Variants in NLRC4 observed in about 807,000 individuals in gnomAD.
NLRC4 encodes NLR family CARD domain-containing protein 4.
A neutral mutation model predicts 79.9 loss-of-function variants in NLRC4; 63 were observed. The observed-to-expected ratio is 0.79, with a 90% CI of 0.64 to 0.97. NLRC4 has a LOEUF of 0.97. Among genes scored for constraint, NLRC4 ranks in the 50% least tolerant of loss-of-function variants. The pLI is 0.00. For missense variants in NLRC4, 1,074 were observed against 1,215.2 expected, an observed-to-expected ratio of 0.88 and a Z score of 1.73; for synonymous variants, 461 against 456.5, an observed-to-expected ratio of 1.01 and a Z score of -0.12.
At position 32,252,635 on chromosome 2, in the gene NLRC4, C is replaced by A; in HGVS notation, c.46G>T (p.Gly16Ter). 1 of 1,613,738 alleles carries A rather than the reference C, an allele frequency of 6.2e-7. No homozygotes were observed. The highest frequency in any genetic ancestry group is 8.5e-7 in the Non-Finnish European group (1 of 1,179,606). The change falls in exon 3 of 9, where the codon GGA (glycine) becomes TGA (stop). Residue 16 changes from glycine (G) to a stop codon, truncating the protein, a stop_gained. Transcript: ENST00000402280. LOFTEE classifies it high-confidence loss of function. ...DNSRALIQRM[G>*]MTVIKQITDD... ...GTGATTTGCTTTATAACAGTCATTCCCATTCTTTGAATAAGGGCTCGGCTA... is the reference window on the plus strand; with the variant it reads ...GTGATTTGCTTTATAACAGTCATTCACATTCTTTGAATAAGGGCTCGGCTA...
chr2:32,237,014 A>T (rs1013807949), intron 6 of NLRC4, among the ~76,000 whole-genome samples: 1 of 152,208 alleles, frequency 6.6e-6, no homozygotes, highest in African/African-American at 2.4e-5. Context: ...TATGCTGTGT[A>T]CAAAAGACGT....
At chr2:32,259,262 ATTTTTTTTTTTTT>A (rs57570626) in intron 1 of NLRC4, among the ~76,000 whole-genome samples, 25 of 52,890 alleles carry the variant, frequency 4.7e-4, no homozygotes, top group South Asian at 1.3e-3. Flanking sequence ...TGCCTGGCTA[ATTTTTTTTTTTTT>A]TTTTTTTTTT....
At chr2:32,229,112 C>T (rs970484720) in intron 8 of NLRC4, among the ~76,000 whole-genome samples, 1 of 151,948 alleles carries the variant, frequency 6.6e-6, no homozygotes, top group Non-Finnish European at 1.5e-5. Context: ...TGAAAGATAC[C>T]ATTTAACAAA....
At chr2:32,244,448 T>A (rs1026882329) in intron 4 of NLRC4, among the ~76,000 whole-genome samples, 2 of 151,978 alleles carry the variant, frequency 1.3e-5, no homozygotes, top group African/African-American at 2.4e-5. Flanking sequence ...AAGGTGAAAG[T>A]CTGAATGCTT....
At chr2:32,239,456 G>A (rs1023853821) in intron 5 of NLRC4, among the ~76,000 whole-genome samples, 2 of 152,204 alleles carry the variant, frequency 1.3e-5, no homozygotes, top group Non-Finnish European at 2.9e-5. Flanking sequence ...GTTAAAGGTT[G>A]TGAGCATGAG....
At chr2:32,238,839 A>G (rs982726748) in intron 5 of NLRC4, among the ~76,000 whole-genome samples, 1 of 152,196 alleles carries the variant, frequency 6.6e-6, no homozygotes, top group African/African-American at 2.4e-5. Context: ...GATTTACCTT[A>G]TATCAACAGT....
intron 4 of NLRC4, among the ~76,000 whole-genome samples, chr2:32,248,980 A>G (rs1364742550): frequency 1.3e-5 from 2 of 152,204 alleles, no homozygotes; most frequent in Non-Finnish European, 2.9e-5. Context: ...GATTTCAGTA[A>G]CTTTCTCCTG....
At chr2:32,233,975 ATATATATGTGTGTG>A (rs1277410597) in intron 8 of NLRC4, among the ~76,000 whole-genome samples, 2 of 152,198 alleles carry the variant, frequency 1.3e-5, no homozygotes, top group South Asian at 2.1e-4. Flanking sequence ...TGTTGGGGAC[ATATATATGTGTGTG>A]TATATATGGG....
chr2:32,253,904 C>T lies in NLRC4; in HGVS notation c.2-1225G>A, dbSNP rs544326989. ...GCTTGAACCTGGGAGGTGGAGGTTG[C>T]GGTGAGCCGAGATGGTGCCATTGCA... On this transcript the variant is annotated intron_variant, in intron 2 of 8. Transcript: ENST00000402280. Among the ~76,000 whole-genome samples the T allele has an allele frequency of 2.9e-5, 4 of 139,404 alleles. No homozygotes were observed. In the East Asian group the frequency reaches 6.4e-4, roughly 22 times the overall value. 91.5% of individuals were successfully genotyped at this position (139,404 alleles called of 152,430 possible).
intron 5 of NLRC4, 142 bp from the exon 6 acceptor site, chr2:32,238,444 AT>A: frequency 2.9e-6 from 2 of 680,334 alleles, no homozygotes; most frequent in Middle Eastern, 3.7e-4. Flanking sequence ...GTTACAAAGA[AT>A]CAACGAGAGC....
chr2:32,225,380 A>C (rs1686357203), intron 8 of NLRC4, among the ~76,000 whole-genome samples: 1 of 142,902 alleles, frequency 7.0e-6, no homozygotes, highest in Admixed American at 7.1e-5. Flanking sequence ...TACACAAAGA[A>C]TGCACACACA....
chr2:32,249,419 C>T (rs1029238838), intron 4 of NLRC4, among the ~76,000 whole-genome samples, 188 bp downstream of exon 4: 4 of 152,194 alleles, frequency 2.6e-5, no homozygotes, highest in Non-Finnish European at 5.9e-5. Flanking sequence ...AAAGTGTCTA[C>T]CCCAACCCCT....
chr2:32,236,238 C>A lies in NLRC4; in HGVS notation c.2614+9G>T. ...AAGTATCTAATTTTGGCTGAATTGT[C>A]ATTCTTACTCAGTTCATGAAGAGCT... On this transcript the variant is annotated intron_variant, in intron 7 of 8. Coordinates refer to ENST00000402280, the MANE Select transcript of NLRC4 (RefSeq NM_001199138.2). 4 of 1,555,518 alleles carry A rather than the reference C, an allele frequency of 2.6e-6. No individual in the cohort carries two copies. In the South Asian group the frequency reaches 4.6e-5, roughly 18 times the overall value.
intron 2 of NLRC4, among the ~76,000 whole-genome samples, chr2:32,253,444 G>A (rs986474507): frequency 4.0e-5 from 6 of 151,820 alleles, no homozygotes; most frequent in African/African-American, 1.5e-4. Flanking sequence ...CACCGTGCCC[G>A]GCCTCTGCAA....
At position 32,244,021 on chromosome 2, in the gene NLRC4, G is replaced by A. The variant is rs144413658; in HGVS notation, c.2258-2896C>T. On this transcript the variant is annotated intron_variant, in intron 4 of 8. Transcript: ENST00000402280. ...TCCCAGCACTTCGGGAGGCCCAGGCGGGAAAATCTCTTGAGCACAGGAGTC... is the reference window on the plus strand; with the variant it reads ...TCCCAGCACTTCGGGAGGCCCAGGCAGGAAAATCTCTTGAGCACAGGAGTC... Among the ~76,000 whole-genome samples, 567 of 152,186 alleles carry A rather than the reference G, an allele frequency of 3.7e-3. 5 individuals are homozygous for A. The highest frequency in any genetic ancestry group is 0.013 in the African/African-American group (541 of 41,516).
At chr2:32,237,760 C>A (rs1184117149) in intron 6 of NLRC4, among the ~76,000 whole-genome samples, 2 of 152,162 alleles carry the variant, frequency 1.3e-5, no homozygotes, top group Non-Finnish European at 2.9e-5. Flanking sequence ...AGCCTGAGAT[C>A]ATTTAAGAAA....
chr2:32,260,127 G>A (rs962162323), intron 1 of NLRC4, among the ~76,000 whole-genome samples: 1 of 148,628 alleles, frequency 6.7e-6, no homozygotes, highest in Non-Finnish European at 1.5e-5. Flanking sequence ...TACTTGGGAG[G>A]CTGAGGCAGG....
intron 4 of NLRC4, among the ~76,000 whole-genome samples, chr2:32,247,880 G>A (rs1024312092): frequency 6.6e-6 from 1 of 151,976 alleles, no homozygotes; most frequent in Admixed American, 6.6e-5. Context: ...TGATGGAACC[G>A]GAGGCCATTA....
intron 4 of NLRC4, among the ~76,000 whole-genome samples, chr2:32,243,031 GA>G (rs1390260515): frequency 3.3e-5 from 5 of 151,858 alleles, no homozygotes; most frequent in African/African-American, 1.2e-4. Flanking sequence ...CTTGGTGACA[GA>G]ATGAGACAAT....
Sources: allele counts gnomAD v4.1 joint callset (sites outside exome capture counted in the v4.1 genomes callset), GRCh38; gene constraint gnomAD v4.1.1; transcripts MANE v1.5; gene names NCBI Gene and HGNC (gene_info 2026-07-23, HGNC 2026-07-21).